The following RGS7 variants were observed in gnomAD, a reference collection of about 807,000 sequenced individuals.
The protein encoded by RGS7 is regulator of G-protein signaling 7.
A neutral mutation model predicts 81.1 loss-of-function variants in RGS7; 27 were observed. The ratio of observed to expected loss-of-function variants is 0.33; its 90% confidence interval spans 0.25 to 0.46. The LOEUF is 0.46. Ranked by LOEUF, RGS7 falls within the 20% of genes least tolerant of loss-of-function variation. The pLI, the probability that RGS7 is intolerant of heterozygous loss-of-function variation, is 1.00. For synonymous variants in RGS7, 208 were observed against 207.7 expected, an observed-to-expected ratio of 1.00 and a Z score of -0.01; for missense variants, 396 against 607.4, an observed-to-expected ratio of 0.65 and a Z score of 3.66.
At chr1:240,789,394 ATGTTC>A (rs1315720117) in intron 18 of RGS7, among the ~76,000 whole-genome samples, 1 of 152,222 alleles carries the variant, frequency 6.6e-6, no homozygotes, top group Non-Finnish European at 1.5e-5. Context: ...GATAACAGCA[ATGTTC>A]AGGGAACAAG....
intron 2 of RGS7, among the ~76,000 whole-genome samples, chr1:241,161,076 A>T (rs1410198703): frequency 6.6e-6 from 1 of 152,002 alleles, no homozygotes; most frequent in Non-Finnish European, 1.5e-5. Flanking sequence ...AAATGATTTA[A>T]GAAATCTTCA....
At chr1:241,355,671 T>G in intron 2 of RGS7, 28 bp downstream of exon 2, 1 of 1,601,946 alleles carries the variant, frequency 6.2e-7, no homozygotes, top group Non-Finnish European at 8.6e-7. Context: ...AAGTTTCCCG[T>G]TTTCCAAGAA....
At chr1:240,807,852 T>C (rs1255783923) in intron 14 of RGS7, among the ~76,000 whole-genome samples, 1 of 151,966 alleles carries the variant, frequency 6.6e-6, no homozygotes, top group African/African-American at 2.4e-5. Context: ...CTGGCCAACA[T>C]GGTGAAACCC....
At chr1:241,005,668 G>T (rs953604951) in intron 3 of RGS7, among the ~76,000 whole-genome samples, 1 of 152,000 alleles carries the variant, frequency 6.6e-6, no homozygotes, top group African/African-American at 2.4e-5. Flanking sequence ...CCGAGTAGCT[G>T]GGATTACAGG....
chr1:241,100,622 T>A (rs1318110505), intron 2 of RGS7, among the ~76,000 whole-genome samples: 1 of 152,192 alleles, frequency 6.6e-6, no homozygotes, highest in East Asian at 1.9e-4. Flanking sequence ...ATAACCTCTC[T>A]AAGACTCAGT....
intron 3 of RGS7, among the ~76,000 whole-genome samples, chr1:241,057,786 C>A (rs2080536159): frequency 6.6e-6 from 1 of 152,178 alleles, no homozygotes; most frequent in Non-Finnish European, 1.5e-5. Flanking sequence ...GTGGCATGCG[C>A]CTGTAGTCCC....
chr1:241,203,875 T>G (rs961781297), intron 2 of RGS7, among the ~76,000 whole-genome samples: 2 of 152,240 alleles, frequency 1.3e-5, no homozygotes, highest in Non-Finnish European at 1.5e-5. Context: ...TTTCATATCT[T>G]TGTTATTGGC....
chr1:241,239,078 C>T (rs1449170074), intron 2 of RGS7, among the ~76,000 whole-genome samples: 2 of 151,022 alleles, frequency 1.3e-5, no homozygotes, highest in Non-Finnish European at 2.9e-5. Context: ...AAGCTATTCT[C>T]CTGCCTCAGC....
At chr1:240,918,207 A>C (rs1480305558) in intron 6 of RGS7, among the ~76,000 whole-genome samples, 1 of 152,136 alleles carries the variant, frequency 6.6e-6, no homozygotes, top group Non-Finnish European at 1.5e-5. Context: ...CAGGCAGAAA[A>C]TCAGGAAGGA....
intron 2 of RGS7, among the ~76,000 whole-genome samples, chr1:241,233,709 A>G (rs1194253034): frequency 6.6e-6 from 1 of 152,044 alleles, no homozygotes; most frequent in East Asian, 1.9e-4. Flanking sequence ...GTGAGTGAGG[A>G]TATCGCTTCA....
rs1263787043 is a variant in RGS7, at chr1:240,808,806, T to C, written c.1083-2480A>G. On this transcript the variant is annotated intron_variant, in intron 14 of 18. Coordinates refer to ENST00000440928, the MANE Select transcript of RGS7 (RefSeq NM_001364886.1). ...GGGAGGATCAGTTGAGCCCAGGATT[T>C]CAAGGCTGCTATGAGCTATGACAGT... Among the ~76,000 whole-genome samples the C allele has an allele frequency of 2.0e-5, 3 of 152,030 alleles. No individual in the cohort carries two copies. The East Asian group carries it at 5.8e-4, about 29-fold the overall frequency.
chr1:241,156,831 T>C (rs577080262), intron 2 of RGS7, among the ~76,000 whole-genome samples: 2 of 152,286 alleles, frequency 1.3e-5, no homozygotes, highest in South Asian at 4.1e-4. Context: ...CCATTCTGAT[T>C]GTGGAGTTCC....
intron 6 of RGS7, among the ~76,000 whole-genome samples, chr1:240,904,448 T>A (rs375131279): frequency 1.4e-4 from 22 of 152,276 alleles, no homozygotes; most frequent in South Asian, 8.3e-4. Context: ...TTGGAGTAAG[T>A]TTATTTAGAG....
chr1:240,975,121 C>A lies in RGS7; in HGVS notation c.226+7958G>T, dbSNP rs182118093. On this transcript the variant is annotated intron_variant, in intron 4 of 18. Coordinates refer to ENST00000440928, the MANE Select transcript of RGS7 (RefSeq NM_001364886.1). Reference sequence around the variant, plus strand: ...CTGCCACTCAAAGAACACAGAAATGCGGCCGGGTGCGGTGGCTCACACCTG... The same window carrying A: ...CTGCCACTCAAAGAACACAGAAATGAGGCCGGGTGCGGTGGCTCACACCTG... 2.1e-3 allele frequency among the ~76,000 whole-genome samples: 312 copies of A among 152,116 alleles called. 2 individuals are homozygous for A. Among genetic ancestry groups the A allele is most frequent in the East Asian group, 0.013 (68 of 5,174 alleles).
At chr1:241,148,873 T>C (rs1380114881) in intron 2 of RGS7, among the ~76,000 whole-genome samples, 1 of 152,262 alleles carries the variant, frequency 6.6e-6, no homozygotes, top group Non-Finnish European at 1.5e-5. Context: ...AAAACCAGTA[T>C]CATTTAAAAG....
intron 2 of RGS7, among the ~76,000 whole-genome samples, chr1:241,332,115 T>G (rs1004666698): frequency 2.0e-5 from 3 of 152,164 alleles, no homozygotes; most frequent in Non-Finnish European, 4.4e-5. Flanking sequence ...ACCGTGTAGT[T>G]TTTAAAAGTA....
At chr1:241,295,075 C>A (rs2079322438) in intron 2 of RGS7, among the ~76,000 whole-genome samples, 1 of 152,216 alleles carries the variant, frequency 6.6e-6, no homozygotes, top group African/African-American at 2.4e-5. Flanking sequence ...TTAGTTCCTT[C>A]CTACTATTTT....
At chr1:240,778,985 C>G (rs568413794) in intron 18 of RGS7, among the ~76,000 whole-genome samples, 1 of 152,144 alleles carries the variant, frequency 6.6e-6, no homozygotes, top group Non-Finnish European at 1.5e-5. Context: ...GTCTGTCCCC[C>G]TCAAAGCTCA....
intron 2 of RGS7, among the ~76,000 whole-genome samples, chr1:241,276,804 G>T (rs1033816904): frequency 6.6e-6 from 1 of 152,136 alleles, no homozygotes; most frequent in Non-Finnish European, 1.5e-5. Context: ...AAAACTAATG[G>T]TGAATTTCCA....
Sources: gnomAD v4.1 joint callset for allele counts (sites outside exome capture counted in the v4.1 genomes callset) on GRCh38, gnomAD v4.1.1 for gene constraint, MANE v1.5 for transcripts, NCBI Gene and HGNC (gene_info 2026-07-23, HGNC 2026-07-21) for gene names.